KIAA2012: variants seen among roughly 807,000 people sequenced by gnomAD.
The protein encoded by KIAA2012 is KIAA2012.
KIAA2012 carries 125 observed loss-of-function variants against 150.6 expected under a neutral mutation model. The ratio of observed to expected loss-of-function variants is 0.83; its 90% CI spans 0.72 to 0.96. The LOEUF is 0.96. Ranked by LOEUF, KIAA2012 falls within the 40% of genes least tolerant of loss-of-function variation. KIAA2012 has a pLI of 0.00. For synonymous variants in KIAA2012, 462 were observed against 504.7 expected (o/e 0.92, Z 1.13); for missense variants, 1,219 against 1,354.9 (o/e 0.90, Z 1.57).
At chr2:202,188,993 C>G (rs1389795827) in intron 18 of KIAA2012, among the ~76,000 whole-genome samples, 3 of 152,190 alleles carry the variant, frequency 2.0e-5, no homozygotes, top group Admixed American at 1.3e-4. Context: ...GAAAGGACAA[C>G]AATGGATACA....
chr2:202,084,283 G>A (rs1689513595), intron 2 of KIAA2012, among the ~76,000 whole-genome samples: 1 of 152,166 alleles, frequency 6.6e-6, no homozygotes, highest in Admixed American at 6.5e-5. Flanking sequence ...TGCTGGGCAG[G>A]AGCACAAGCC....
In KIAA2012 at chr2:202,190,210, A is replaced by G. The variant is rs781578858; in HGVS notation, c.2528A>G (p.Glu843Gly). 2.4e-5 allele frequency: 36 copies of G among 1,518,172 alleles called. No homozygotes were observed. The highest frequency in any genetic ancestry group is 3.1e-5 in the Non-Finnish European group (35 of 1,138,416). The allele number at this position is 1,518,172 out of a possible 1,614,324, so 94.0% of individuals were successfully genotyped here. The change falls in exon 19 of 24, where the codon GAA (glutamate) becomes GGA (glycine). Residue 843 changes from glutamate (E) to glycine (G), a missense_variant. Physicochemically the swap from Glu to Gly is moderately conservative, Grantham distance 98. Transcript: ENST00000498697. Reference protein sequence around the residue: ...SKDSKAKKKLEKKTRPQRKRT... With the variant: ...SKDSKAKKKLGKKTRPQRKRT... ...GACTCAAAGGCTAAAAAAAAATTAG[A>G]AAAAAAAACAAGACCCCAAAGGAAA...
rs770781103 is a variant in KIAA2012, at chr2:202,188,169, C to T, written c.2394C>T (p.Asn798=). 16 of 1,549,960 alleles carry T rather than the reference C, an allele frequency of 1.0e-5. No homozygotes were observed. Among genetic ancestry groups the T allele is most frequent in the African/African-American group, 1.4e-5 (1 of 72,866 alleles). The stretch of plus-strand genomic sequence containing the variant: ...ACCTTTAGGAGAGGGATTTGATTAA[C>T]GAGGCCAAGAGAAAGGAAAAACCCA... The part of the protein sequence containing the change: ...ANISHERDLI[N]EAKRKEKPKK... The change falls in exon 18 of 24, where the codon AAC becomes AAT. Residue 798 remains asparagine (N), a synonymous_variant. Coordinates refer to ENST00000498697, the MANE Select transcript of KIAA2012 (RefSeq NM_001277372.4).
At chr2:202,200,998 G>A (rs543024230) in intron 22 of KIAA2012, among the ~76,000 whole-genome samples, 1 of 152,180 alleles carries the variant, frequency 6.6e-6, no homozygotes, top group African/African-American at 2.4e-5. Context: ...GAGCCACCGC[G>A]CCTGGCCGTA....
At position 202,162,160 on chromosome 2, in the gene KIAA2012, C is replaced by T. The variant is rs531827929; in HGVS notation, c.2047-3124C>T. Among the ~76,000 whole-genome samples, 10 of 152,136 alleles carry T rather than the reference C, an allele frequency of 6.6e-5. No homozygotes were observed. The South Asian group carries it at 1.7e-3, about 25-fold the overall frequency. On this transcript the variant is annotated intron_variant, in intron 14 of 23. Coordinates refer to ENST00000498697, the MANE Select transcript of KIAA2012 (RefSeq NM_001277372.4). ...TGGAGTTGCTAGTTTCCTGTGTCCC[C>T]TTCCTAGAATGTATAATGCATATAT...
intron 14 of KIAA2012, among the ~76,000 whole-genome samples, chr2:202,164,474 G>A (rs546338128): frequency 6.6e-6 from 1 of 152,206 alleles, no homozygotes; most frequent in African/African-American, 2.4e-5. Flanking sequence ...CTGGGAGGAG[G>A]GATTGCAAGC....
rs117805170 is a variant in KIAA2012 at position 202,121,386 on chromosome 2, C to T, written c.1763-3828C>T. Among the ~76,000 whole-genome samples, 6 of 152,340 alleles carry T rather than the reference C, an allele frequency of 3.9e-5. No homozygotes were observed. In the East Asian group the frequency reaches 1.2e-3, roughly 29 times the overall value. On this transcript the variant is annotated intron_variant, in intron 11 of 23. Transcript: ENST00000498697. ...TTACTTTGTGAAAATCAAATCAGATCACACTTGCACTCCATCTTGTAAAGT... is the reference window on the plus strand; with the variant it reads ...TTACTTTGTGAAAATCAAATCAGATTACACTTGCACTCCATCTTGTAAAGT...
At chr2:202,133,109 A>AAAAATATATATAT (rs766606713) in intron 12 of KIAA2012, among the ~76,000 whole-genome samples, 1 of 87,886 alleles carries the variant, frequency 1.1e-5, no homozygotes, top group African/African-American at 4.7e-5. Context: ...TCTAAAAAAA[A>AAAAATATATATAT]ATATATATAT....
chr2:202,078,302 T>G (rs1307272330), intron 2 of KIAA2012, among the ~76,000 whole-genome samples: 1 of 152,272 alleles, frequency 6.6e-6, no homozygotes, highest in Non-Finnish European at 1.5e-5. Context: ...TCTTTTGTTT[T>G]GTTTTGAGAC....
At chr2:202,174,961 T>C (rs1457959732) in intron 15 of KIAA2012, among the ~76,000 whole-genome samples, 1 of 152,234 alleles carries the variant, frequency 6.6e-6, no homozygotes, top group Admixed American at 6.5e-5. Flanking sequence ...TTCTTTAATA[T>C]AATTGAATAT....
intron 2 of KIAA2012, among the ~76,000 whole-genome samples, chr2:202,081,693 A>T (rs1328007069): frequency 6.6e-6 from 1 of 151,956 alleles, no homozygotes; most frequent in African/African-American, 2.4e-5. Flanking sequence ...GATTACAGGC[A>T]TGCACCACCA....
intron 2 of KIAA2012, among the ~76,000 whole-genome samples, chr2:202,086,167 CAAAAAAAAAAAA>C (rs56207993): frequency 1.1e-5 from 1 of 90,152 alleles, no homozygotes. Context: ...AACTCTGTCT[CAAAAAAAAAAAA>C]AAAAAAAGAA....
At chr2:202,186,453 A>G (rs1292175765) in intron 16 of KIAA2012, among the ~76,000 whole-genome samples, 1 of 151,886 alleles carries the variant, frequency 6.6e-6, no homozygotes, top group Non-Finnish European at 1.5e-5. Flanking sequence ...TGGAGGTTGC[A>G]GTGAGCCCAG....
rs1692428514 is a variant in KIAA2012, at chr2:202,197,007, A to T, written c.3395A>T (p.Gln1132Leu). The change falls in exon 22 of 24, where the codon CAG becomes CTG. Residue 1132 changes from glutamine to leucine, a missense_variant. Gln to Leu is a moderately radical substitution (Grantham distance 113). Transcript: ENST00000498697. ...LALEEATKQA[Q>L]EQARQKAALE... ...CTGGAAGAAGCCACGAAACAAGCCC[A>T]GGAACAAGCCAGGTACTGGATATTT... 1.3e-6 allele frequency: 2 copies of T among 1,550,532 alleles called. No homozygotes were observed. Among genetic ancestry groups the T allele is most frequent in the South Asian group, 2.4e-5 (2 of 84,068 alleles).
rs1427063784 is a variant in KIAA2012, at chr2:202,073,407, C to A, written c.-221C>A. The A allele has an allele frequency of 1.5e-5, 7 of 475,746 alleles. No homozygotes were observed. The highest frequency in any genetic ancestry group is 2.6e-5 in the Non-Finnish European group (7 of 264,840). 29.5% of individuals were successfully genotyped at this position (475,746 alleles called of 1,614,324 possible). ...CCAGGGCTTGAGGAGGCTGGCTGTG[C>A]GGTTTATTTTTTCTCTCCACAAAGA... On this transcript the variant is annotated 5_prime_UTR_variant, in exon 1 of 24. Coordinates refer to ENST00000498697, the MANE Select transcript of KIAA2012 (RefSeq NM_001277372.4).
intron 2 of KIAA2012, among the ~76,000 whole-genome samples, chr2:202,076,306 T>C (rs1318584344): frequency 6.6e-6 from 1 of 152,198 alleles, no homozygotes; most frequent in Non-Finnish European, 1.5e-5. Context: ...CAAATGTTTG[T>C]GGAATTAATG....
At chr2:202,183,120 G>C (rs1258305634) in intron 15 of KIAA2012, among the ~76,000 whole-genome samples, 2 of 152,064 alleles carry the variant, frequency 1.3e-5, no homozygotes, top group African/African-American at 2.4e-5. Context: ...ATCCTCATAA[G>C]ATAACATTTG....
At chr2:202,143,680 A>T (rs1356215333) in intron 13 of KIAA2012, among the ~76,000 whole-genome samples, 1 of 152,126 alleles carries the variant, frequency 6.6e-6, no homozygotes, top group Non-Finnish European at 1.5e-5. Flanking sequence ...TACAACAAGT[A>T]TTCAGCAAGC....
chr2:202,120,205 G>C (rs543311155), intron 11 of KIAA2012, among the ~76,000 whole-genome samples: 11 of 152,112 alleles, frequency 7.2e-5, no homozygotes, highest in Non-Finnish European at 1.5e-4. Context: ...GTGCGATCCC[G>C]TCTCTGCAAA....
Sources: gnomAD v4.1 joint callset for allele counts (sites outside exome capture counted in the v4.1 genomes callset) on GRCh38, gnomAD v4.1.1 for gene constraint, MANE v1.5 for transcripts, NCBI Gene and HGNC (gene_info 2026-07-23, HGNC 2026-07-21) for gene names.